GRIA4: variants seen among roughly 807,000 people sequenced by gnomAD.
GRIA4 encodes glutamate receptor 4.
GRIA4 carries 34 observed loss-of-function variants against 104.0 expected under a neutral mutation model. The ratio of observed to expected loss-of-function variants is 0.33; its 90% confidence interval spans 0.25 to 0.44. The LOEUF is 0.44. GRIA4 is among the 20% of genes least tolerant of loss of function. GRIA4 has a pLI of 1.00. For missense variants in GRIA4, 750 were observed against 1,096.5 expected (o/e 0.68, Z 4.46); for synonymous variants, 386 against 381.9 (o/e 1.01, Z -0.13).
At chr11:105,672,077 A>G (rs1204025247) in intron 3 of GRIA4, among the ~76,000 whole-genome samples, 3 of 152,174 alleles carry the variant, frequency 2.0e-5, no homozygotes, top group African/African-American at 7.2e-5. Context: ...AACATTTATC[A>G]TTAAAAACTG....
chr11:105,667,750 T>C (rs1008466384), intron 3 of GRIA4, among the ~76,000 whole-genome samples: 6 of 152,082 alleles, frequency 3.9e-5, no homozygotes, highest in African/African-American at 1.2e-4. Context: ...TTTTGATATA[T>C]GTGTACATTG....
At chr11:105,693,524 C>G (rs1292611254) in intron 3 of GRIA4, among the ~76,000 whole-genome samples, 1 of 152,136 alleles carries the variant, frequency 6.6e-6, no homozygotes, top group African/African-American at 2.4e-5. Context: ...CAGGATCTTA[C>G]TGATGGCCAG....
chr11:105,630,399 A>G (rs1951003422), intron 3 of GRIA4, among the ~76,000 whole-genome samples: 1 of 152,052 alleles, frequency 6.6e-6, no homozygotes, highest in Admixed American at 6.5e-5. Flanking sequence ...CCCCGTCTCT[A>G]CTACAAATAC....
At chr11:105,920,170 A>G (rs1367151248) in intron 11 of GRIA4, among the ~76,000 whole-genome samples, 3 of 152,168 alleles carry the variant, frequency 2.0e-5, no homozygotes, top group Non-Finnish European at 2.9e-5. Context: ...TTTTATATCC[A>G]TAGGAAAGAA....
At chr11:105,666,521 G>A (rs916231373) in intron 3 of GRIA4, among the ~76,000 whole-genome samples, 1 of 151,904 alleles carries the variant, frequency 6.6e-6, no homozygotes, top group Non-Finnish European at 1.5e-5. Flanking sequence ...ATGAAATAAT[G>A]CATCTATTCA....
chr11:105,613,415 A>G (rs941405689), intron 3 of GRIA4: 24 of 152,228 alleles, frequency 1.6e-4, no homozygotes, highest in African/African-American at 5.8e-4. Flanking sequence ...TAATGACTAT[A>G]GATTATTTAA....
chr11:105,925,516 T>C (rs1003976963), intron 12 of GRIA4, among the ~76,000 whole-genome samples: 2 of 152,128 alleles, frequency 1.3e-5, no homozygotes, highest in African/African-American at 4.8e-5. Flanking sequence ...GACTATATAT[T>C]AGCATCACAA....
chr11:105,765,185 T>C lies in GRIA4; in HGVS notation c.487+11965T>C, dbSNP rs181166755. The stretch of plus-strand genomic sequence containing the variant: ...CAGCAGCCCAACTTAGCAAAAGCCA[T>C]TATGCAGCTAAACTCAGTACAGATT... On this transcript the variant is annotated intron_variant, in intron 4 of 16. Coordinates refer to ENST00000282499, the MANE Select transcript of GRIA4 (RefSeq NM_000829.4). Among the ~76,000 whole-genome samples, 20 of 152,240 alleles carry C rather than the reference T, an allele frequency of 1.3e-4. No homozygotes were observed. The East Asian group carries it at 3.5e-3, about 26-fold the overall frequency.
At chr11:105,760,246 A>G (rs1283986325) in intron 4 of GRIA4, among the ~76,000 whole-genome samples, 1 of 152,092 alleles carries the variant, frequency 6.6e-6, no homozygotes, top group African/African-American at 2.4e-5. Context: ...TTTCCCTTCA[A>G]GCAACCGTAT....
intron 3 of GRIA4, among the ~76,000 whole-genome samples, chr11:105,616,559 T>C (rs1176548943): frequency 6.6e-6 from 1 of 151,560 alleles, no homozygotes; most frequent in Non-Finnish European, 1.5e-5. Context: ...TAATATAATA[T>C]TTTTTTGTTT....
rs1939789033 is a variant in GRIA4, at chr11:105,748,355, T to C, written c.248-4626T>C. On this transcript the variant is annotated intron_variant, in intron 3 of 16. Transcript: ENST00000282499. ...TCCCCAGAGAATGAGAATGGTATTCTCAAAAGTCACACAGAATCACTTTTG... is the reference window on the plus strand; with the variant it reads ...TCCCCAGAGAATGAGAATGGTATTCCCAAAAGTCACACAGAATCACTTTTG... Among the ~76,000 whole-genome samples, 3 of 150,800 alleles carry C rather than the reference T, an allele frequency of 2.0e-5. No homozygotes were observed. In the Admixed American group the frequency reaches 2.0e-4, roughly 10 times the overall value.
chr11:105,705,277 AGG>A (rs1448880865), intron 3 of GRIA4, among the ~76,000 whole-genome samples: 4 of 152,162 alleles, frequency 2.6e-5, no homozygotes, highest in Non-Finnish European at 4.4e-5. Context: ...TAAATAGACC[AGG>A]AATCTAAATG....
At position 105,898,259 on chromosome 11, in the gene GRIA4, A is replaced by T; in HGVS notation, c.727-10A>T. 7.0e-7 allele frequency: 1 copy of T among 1,421,618 alleles called. No homozygotes were observed. The highest frequency in any genetic ancestry group is 9.8e-7 in the Non-Finnish European group (1 of 1,019,900). 88.1% of individuals were successfully genotyped at this position (1,421,618 alleles called of 1,614,324 possible). ...CTAAATTTAACAATCTTTTGTATTA[A>T]TTTTTATAGGGATTCAAGGATATTT... is the stretch of plus-strand genomic sequence containing the variant. On this transcript the variant is annotated splice_polypyrimidine_tract_variant and intron_variant, in intron 6 of 16. Transcript: ENST00000282499.
intron 5 of GRIA4, among the ~76,000 whole-genome samples, chr11:105,881,957 GTTGT>G (rs1480217879): frequency 2.6e-5 from 4 of 152,130 alleles, no homozygotes; most frequent in African/African-American, 9.7e-5. Context: ...GTTTAAGTCT[GTTGT>G]TTGTTTGCAA....
At chr11:105,977,044 G>A (rs1316411853) in intron 16 of GRIA4, among the ~76,000 whole-genome samples, 1 of 151,966 alleles carries the variant, frequency 6.6e-6, no homozygotes, top group Non-Finnish European at 1.5e-5. Context: ...CCACAAACAT[G>A]ATCAAGAAAA....
intron 4 of GRIA4, among the ~76,000 whole-genome samples, chr11:105,803,872 A>G (rs1942832604): frequency 6.7e-6 from 1 of 149,392 alleles, no homozygotes. Flanking sequence ...AGAGAGAGAG[A>G]GAGAGAGAAG....
At chr11:105,643,691 T>C (rs1450000043) in intron 3 of GRIA4, among the ~76,000 whole-genome samples, 1 of 151,886 alleles carries the variant, frequency 6.6e-6, no homozygotes, top group African/African-American at 2.4e-5. Context: ...CTGCCTCAGG[T>C]TTTTAAATTT....
rs1057208196 is a variant in GRIA4, at chr11:105,812,245, T to G, written c.488-49779T>G. Among the ~76,000 whole-genome samples, 15 of 152,352 alleles carry G rather than the reference T, an allele frequency of 9.8e-5. No individual in the cohort carries two copies. The South Asian group carries it at 1.9e-3, about 19-fold the overall frequency. Reference sequence around the variant, plus strand: ...TTGCTGGTGGAATCCCTTCTCAATTTCTACCTGTGTGTCTCCACCCTTCAC... The same window carrying G: ...TTGCTGGTGGAATCCCTTCTCAATTGCTACCTGTGTGTCTCCACCCTTCAC... On this transcript the variant is annotated intron_variant, in intron 4 of 16. Transcript: ENST00000282499.
At chr11:105,731,198 C>T (rs1938565032) in intron 3 of GRIA4, among the ~76,000 whole-genome samples, 2 of 152,094 alleles carry the variant, frequency 1.3e-5, no homozygotes, top group East Asian at 3.9e-4. Flanking sequence ...ACAAACAGCC[C>T]CATCAAAAAT....
Sources: gnomAD v4.1 joint callset for allele counts (sites outside exome capture counted in the v4.1 genomes callset) on GRCh38, gnomAD v4.1.1 for gene constraint, MANE v1.5 for transcripts, NCBI Gene and HGNC (gene_info 2026-07-23, HGNC 2026-07-21) for gene names.